The following RANBP17 variants were observed in gnomAD, a reference collection of about 807,000 sequenced individuals.
RANBP17 encodes the protein ran-binding protein 17.
RANBP17 carries 158 observed loss-of-function variants against 141.2 expected under a neutral mutation model. The observed-to-expected ratio is 1.12, with a 90% confidence interval of 0.98 to 1.28. RANBP17 has a LOEUF of 1.28. Ranked by LOEUF, RANBP17 falls within the 50% of genes most tolerant of loss-of-function variation. The probability of loss-of-function intolerance (pLI) is 0.00; values close to 1 mark genes in which losing one functional copy is unlikely to be tolerated. For missense variants in RANBP17, 1,438 were observed against 1,290.7 expected, an observed-to-expected ratio of 1.11 and a Z score of -1.75; for synonymous variants, 430 against 450.0, an observed-to-expected ratio of 0.96 and a Z score of 0.56.
chr5:171,066,213 T>C (rs560859328), intron 14 of RANBP17, among the ~76,000 whole-genome samples: 6 of 152,290 alleles, frequency 3.9e-5, no homozygotes, highest in South Asian at 2.1e-4. Context: ...GTTCCAAGCA[T>C]GCAATACATG....
chr5:171,273,475 A>G lies in RANBP17; in HGVS notation c.2943+7628A>G, dbSNP rs183118803. ...GAAGGAATCCTCAAGTTGAGTGCAC[A>G]TCTCTGTCTAAAGGGGGCAGCCTCA... is the stretch of plus-strand genomic sequence containing the variant. On this transcript the variant is annotated intron_variant, in intron 25 of 27. Transcript: ENST00000523189. Among the ~76,000 whole-genome samples the G allele has an allele frequency of 1.5e-3, 235 of 152,296 alleles. 1 individual carries two copies. The highest frequency in any genetic ancestry group is 2.7e-3 in the South Asian group (13 of 4,828).
intron 14 of RANBP17, among the ~76,000 whole-genome samples, chr5:171,148,872 C>G (rs1758273819): frequency 6.6e-6 from 1 of 152,094 alleles, no homozygotes; most frequent in African/African-American, 2.4e-5. Flanking sequence ...ATAGACTTAC[C>G]ATGTTGATTA....
intron 14 of RANBP17, among the ~76,000 whole-genome samples, chr5:171,160,082 A>G (rs773738208): frequency 5.3e-5 from 8 of 152,136 alleles, no homozygotes; most frequent in Non-Finnish European, 1.2e-4. Flanking sequence ...AGGAACTTGT[A>G]TTGACTCAAA....
intron 14 of RANBP17, among the ~76,000 whole-genome samples, chr5:170,988,126 T>G (rs984252076): frequency 4.0e-5 from 6 of 151,654 alleles, no homozygotes; most frequent in African/African-American, 1.4e-4. Flanking sequence ...TTTACTCTAT[T>G]TTTTCCTCTC....
At chr5:170,950,270 G>A (rs1322093757) in intron 12 of RANBP17, among the ~76,000 whole-genome samples, 2 of 151,928 alleles carry the variant, frequency 1.3e-5, no homozygotes, top group Non-Finnish European at 2.9e-5. Flanking sequence ...CCCCTTCACA[G>A]CAAAGGAAAC....
rs777298210 is a variant in RANBP17 at position 170,924,451 on chromosome 5, T to C, written c.1369T>C (p.Cys457Arg). 17 of 1,613,424 alleles carry C rather than the reference T, an allele frequency of 1.1e-5. No individual in the cohort carries two copies. In the Admixed American group the frequency reaches 1.2e-4, roughly 11 times the overall value. Reference protein sequence around the residue: ...TVSRCEYEKTCALLVQLFDQN... With the variant: ...TVSRCEYEKTRALLVQLFDQN... ...CAGCAGATGTGAATATGAAAAGACA[T>C]GTGCTCTTCTTGTGCAGTTATTCGA... The change falls in exon 12 of 28, where the codon TGT becomes CGT. Residue 457 changes from cysteine to arginine, a missense_variant. Transcript: ENST00000523189.
intron 14 of RANBP17, among the ~76,000 whole-genome samples, chr5:170,991,362 A>G (rs1222572496): frequency 6.6e-6 from 1 of 152,002 alleles, no homozygotes; most frequent in East Asian, 1.9e-4. Context: ...ATTTGTTATA[A>G]TAAGACAATG....
At chr5:171,025,566 C>CTTTTTTTTT (rs142992244) in intron 14 of RANBP17, among the ~76,000 whole-genome samples, 1 of 145,250 alleles carries the variant, frequency 6.9e-6, no homozygotes, top group African/African-American at 2.6e-5. Context: ...GTCCTTAGTC[C>CTTTTTTTTT]TTTTTTTTTT....
At chr5:171,202,709 C>T (rs1461583527) in intron 19 of RANBP17, among the ~76,000 whole-genome samples, 1 of 152,134 alleles carries the variant, frequency 6.6e-6, no homozygotes, top group Non-Finnish European at 1.5e-5. Context: ...TCCTCTGACA[C>T]GGCTCTTTTG....
intron 21 of RANBP17, among the ~76,000 whole-genome samples, chr5:171,217,629 T>G (rs1008736813): frequency 1.3e-5 from 2 of 152,190 alleles, no homozygotes; most frequent in Admixed American, 6.5e-5. Context: ...TGGTTTAGTC[T>G]TGGGAAGGTG....
At chr5:171,200,219 A>G (rs1039915251) in intron 19 of RANBP17, among the ~76,000 whole-genome samples, 1 of 152,232 alleles carries the variant, frequency 6.6e-6, no homozygotes, top group Non-Finnish European at 1.5e-5. Flanking sequence ...ATGGCTAGGC[A>G]TATATGTATA....
At chr5:170,946,875 G>A (rs1490818141) in intron 12 of RANBP17, among the ~76,000 whole-genome samples, 1 of 152,130 alleles carries the variant, frequency 6.6e-6, no homozygotes, top group Non-Finnish European at 1.5e-5. Flanking sequence ...TGTGGCAGTA[G>A]ATAGACCATT....
At chr5:171,064,672 A>G (rs1784182357) in intron 14 of RANBP17, among the ~76,000 whole-genome samples, 2 of 152,156 alleles carry the variant, frequency 1.3e-5, no homozygotes, top group South Asian at 2.1e-4. Context: ...ACATGCCACC[A>G]TGCCCAGCTA....
rs1168156507 is a variant in RANBP17, at chr5:170,931,778, G to A, written c.1468+7228G>A. 1.1e-4 allele frequency among the ~76,000 whole-genome samples: 17 copies of A among 152,118 alleles called. No homozygotes were observed. The South Asian group carries it at 3.5e-3, about 32-fold the overall frequency. On this transcript the variant is annotated intron_variant, in intron 12 of 27. Transcript: ENST00000523189. ...TCCATTGGTCTATATCTCTGTTTTG[G>A]TACCAGTACCATGCTGTTTTGGTTA...
intron 14 of RANBP17, among the ~76,000 whole-genome samples, chr5:171,017,981 G>T (rs922861231): frequency 6.6e-6 from 1 of 152,070 alleles, no homozygotes; most frequent in Non-Finnish European, 1.5e-5. Flanking sequence ...TGGCTAGCCA[G>T]TTTTCCCAGC....
intron 14 of RANBP17, among the ~76,000 whole-genome samples, chr5:171,036,565 A>G (rs1486188966): frequency 6.6e-6 from 1 of 152,132 alleles, no homozygotes; most frequent in Non-Finnish European, 1.5e-5. Context: ...GGAAGTGAGC[A>G]TACTACCCAT....
chr5:171,271,048 C>T (rs1427909370), intron 25 of RANBP17: 1 of 154,000 alleles, frequency 6.5e-6, no homozygotes, highest in Non-Finnish European at 1.3e-5. Flanking sequence ...CCTTTTCTCC[C>T]TTTTCTCCCT....
At chr5:171,007,021 C>T (rs993001903) in intron 14 of RANBP17, among the ~76,000 whole-genome samples, 3 of 152,060 alleles carry the variant, frequency 2.0e-5, no homozygotes, top group Non-Finnish European at 2.9e-5. Context: ...TCATGCCTTC[C>T]GGGAGGTCTG....
At chr5:171,175,067 G>A (rs908678713) in intron 16 of RANBP17, among the ~76,000 whole-genome samples, 10 of 151,952 alleles carry the variant, frequency 6.6e-5, no homozygotes, top group Admixed American at 2.6e-4. Flanking sequence ...TTTCTGTCCC[G>A]TGTTAGTTTG....
Sources: allele counts gnomAD v4.1 joint callset (sites outside exome capture counted in the v4.1 genomes callset), GRCh38; gene constraint gnomAD v4.1.1; transcripts MANE v1.5; gene names NCBI Gene and HGNC (gene_info 2026-07-23, HGNC 2026-07-21).